Variants in PROCR observed in about 807,000 individuals in gnomAD.
The protein encoded by PROCR is protein C receptor.
In PROCR, 22 loss-of-function variants were observed where a neutral mutation model predicts 24.2. That is an observed-to-expected ratio of 0.91 (90% confidence interval 0.65 to 1.30). The LOEUF (loss-of-function observed/expected upper bound fraction) is 1.30. Among genes scored for constraint, PROCR ranks in the 50% most tolerant of loss-of-function variants. The pLI, the probability that PROCR is intolerant of heterozygous loss-of-function variation, is 0.00. For missense variants in PROCR, 288 were observed against 307.7 expected (o/e 0.94, Z 0.48); for synonymous variants, 137 against 139.2 (o/e 0.98, Z 0.11).
downstream of PROCR, among the ~76,000 whole-genome samples, chr20:35,178,750 C>T (rs1419019018): frequency 3.5e-5 from 5 of 143,104 alleles, no homozygotes; most frequent in African/African-American, 5.2e-5. Flanking sequence ...CTCCTGACCT[C>T]GTGATCCGCC....
At chr20:35,196,872 T>C (rs1233946542) in intron 1 of PROCR, among the ~76,000 whole-genome samples, 2 of 152,204 alleles carry the variant, frequency 1.3e-5, no homozygotes, top group African/African-American at 2.4e-5. Context: ...GAAAAAATTA[T>C]AACACAGTCT....
chr20:35,186,788 A>C (rs1464572805), intron 1 of PROCR, among the ~76,000 whole-genome samples: 3 of 151,506 alleles, frequency 2.0e-5, no homozygotes, highest in Non-Finnish European at 2.9e-5. Context: ...CTCTACTAAA[A>C]AAAAAAGTAC....
chr20:35,180,000 C>T (rs1434553204), downstream of PROCR, among the ~76,000 whole-genome samples: 1 of 152,146 alleles, frequency 6.6e-6, no homozygotes, highest in Non-Finnish European at 1.5e-5. Flanking sequence ...AATCGCAGCA[C>T]TTTGGGAGGC....
chr20:35,190,516 T>C (rs969579212), intron 1 of PROCR, among the ~76,000 whole-genome samples: 4 of 152,218 alleles, frequency 2.6e-5, no homozygotes, highest in Non-Finnish European at 5.9e-5. Flanking sequence ...AAGCCTTTCA[T>C]TTTTCAGTAT....
In PROCR at chr20:35,174,846, C is replaced by T. The variant is rs1349277067; in HGVS notation, c.215C>T (p.Pro72Leu). 1 of 1,614,018 alleles carries T rather than the reference C, an allele frequency of 6.2e-7. No homozygotes were observed. Residue 72 changes from proline (P) to leucine (L), a missense_variant, in exon 2 of 4, where the codon CCC becomes CTC. By Grantham distance (98) the Pro-to-Leu change is moderately conservative (BLOSUM62 -3). Coordinates refer to ENST00000216968, the MANE Select transcript of PROCR (RefSeq NM_006404.5). ...DTNTTIIQLQPLQEPESWART... is the reference protein window; with the variant it reads ...DTNTTIIQLQLLQEPESWART... ...AACACCACGATCATTCAGCTGCAGCCCTTGCAGGAGCCCGAGAGCTGGGCG... is the reference window on the plus strand; with the variant it reads ...AACACCACGATCATTCAGCTGCAGCTCTTGCAGGAGCCCGAGAGCTGGGCG...
intron 1 of PROCR, among the ~76,000 whole-genome samples, chr20:35,203,967 T>C (rs2060328404): frequency 6.6e-6 from 1 of 150,838 alleles, no homozygotes; most frequent in African/African-American, 2.4e-5. Context: ...CAGAAAAAAA[T>C]AGAGAACAAT....
chr20:35,179,232 CAAAAA>C (rs61421342), downstream of PROCR, among the ~76,000 whole-genome samples: 1 of 76,632 alleles, frequency 1.3e-5, no homozygotes. Flanking sequence ...GACTCCATCT[CAAAAA>C]AAAAAAAAAA....
chr20:35,191,006 C>T (rs931742903), intron 1 of PROCR, among the ~76,000 whole-genome samples: 2 of 152,038 alleles, frequency 1.3e-5, no homozygotes, highest in Admixed American at 6.6e-5. Flanking sequence ...ACTACAGGCA[C>T]GTACCACCAG....
At chr20:35,176,076 T>G in intron 2 of PROCR, 92 bp from the exon 3 acceptor site, 1 of 1,414,962 alleles carries the variant, frequency 7.1e-7, no homozygotes, top group Non-Finnish European at 9.9e-7. Context: ...CACTGACTCT[T>G]GCCTTCTCAT....
intron 1 of PROCR, among the ~76,000 whole-genome samples, chr20:35,185,949 T>C (rs2086122036): frequency 1.3e-5 from 2 of 152,136 alleles, no homozygotes; most frequent in Admixed American, 1.3e-4. Context: ...TGTGAAGAAA[T>C]TGGAACCCTC....
At chr20:35,213,921 A>G (rs1229522477) in intron 1 of PROCR, among the ~76,000 whole-genome samples, 4 of 151,798 alleles carry the variant, frequency 2.6e-5, no homozygotes, top group Non-Finnish European at 5.9e-5. Context: ...CTAAAAATAT[A>G]AAAAATAGCT....
intron 1 of PROCR, among the ~76,000 whole-genome samples, chr20:35,210,848 G>A (rs1370784520): frequency 2.0e-5 from 3 of 151,740 alleles, no homozygotes; most frequent in Non-Finnish European, 4.4e-5. Context: ...CAGTAGCTGC[G>A]ATTACTGGCA....
chr20:35,174,609 C>T, intron 1 of PROCR, 93 bp from the exon 2 acceptor site: 1 of 1,518,130 alleles, frequency 6.6e-7, no homozygotes, highest in East Asian at 2.2e-5. Flanking sequence ...GTCGAGAAGG[C>T]GGGCGGCCAG....
At chr20:35,209,001 G>T (rs1033377471) in intron 1 of PROCR, among the ~76,000 whole-genome samples, 3 of 152,094 alleles carry the variant, frequency 2.0e-5, no homozygotes, top group African/African-American at 7.2e-5. Flanking sequence ...TATTAATTGA[G>T]AGCCTACTAT....
At chr20:35,205,769 A>ATG (rs2060337446) in intron 1 of PROCR, among the ~76,000 whole-genome samples, 2 of 45,928 alleles carry the variant, frequency 4.4e-5, no homozygotes, top group Non-Finnish European at 1.0e-4. Flanking sequence ...ATATATATAT[A>ATG]TATATATATA....
At chr20:35,179,983 C>T (rs984449207), downstream of PROCR, among the ~76,000 whole-genome samples, 3 of 152,170 alleles carry the variant, frequency 2.0e-5, no homozygotes, top group Non-Finnish European at 2.9e-5. Context: ...TGATGGTTCA[C>T]GCTTGTAATC....
chr20:35,190,447 C>T (rs1308922996), intron 1 of PROCR, among the ~76,000 whole-genome samples: 1 of 152,208 alleles, frequency 6.6e-6, no homozygotes, highest in East Asian at 1.9e-4. Flanking sequence ...CTTCTCTTTC[C>T]TCTCACAACC....
At chr20:35,181,719 C>T (rs764290176), downstream of PROCR, among the ~76,000 whole-genome samples, 3 of 152,182 alleles carry the variant, frequency 2.0e-5, no homozygotes, top group African/African-American at 4.8e-5. Flanking sequence ...AAAAACGGAA[C>T]GCCTCCTGCT....
chr20:35,208,818 T>C (rs888710167), intron 1 of PROCR, among the ~76,000 whole-genome samples: 2 of 151,922 alleles, frequency 1.3e-5, no homozygotes, highest in African/African-American at 2.4e-5. Flanking sequence ...CTAAAAATAC[T>C]AAAATTAGCC....
Sources: allele counts gnomAD v4.1 joint callset (sites outside exome capture counted in the v4.1 genomes callset), GRCh38; gene constraint gnomAD v4.1.1; transcripts MANE v1.5; gene names NCBI Gene and HGNC (gene_info 2026-07-23, HGNC 2026-07-21).